FUNDC2: variants seen among roughly 807,000 people sequenced by gnomAD.
The protein encoded by FUNDC2 is FUN14 domain containing 2.
Under a neutral mutation model 15.6 loss-of-function variants are expected in FUNDC2, and 4 were observed. That is an observed-to-expected ratio of 0.26 (90% CI 0.13 to 0.59). FUNDC2 has a LOEUF of 0.59. Among genes scored for constraint, FUNDC2 ranks in the 20% least tolerant of loss-of-function variants. FUNDC2 has a pLI of 0.90. For synonymous variants in FUNDC2, 44 were observed against 56.9 expected, an observed-to-expected ratio of 0.77 and a Z score of 1.02; for missense variants, 98 against 149.7, an observed-to-expected ratio of 0.65 and a Z score of 1.80.
Position 155,058,024 on chromosome X carries a change from C to T in FUNDC2, c.*3352C>T, listed in dbSNP as rs1310703449. 1 of 110,975 alleles carries T rather than the reference C, an allele frequency of 9.0e-6. No homozygotes were observed. Among genetic ancestry groups the T allele is most frequent in the Admixed American group, 9.6e-5 (1 of 10,440 alleles). 9.1% of individuals were successfully genotyped at this position (110,975 alleles called of 1,213,427 possible). ...AGCCCATTGTCATGAGTGTTATTGC[C>T]ATTGTGATAATATGTTAGCATGACT... On this transcript the variant is annotated 3_prime_UTR_variant, in exon 5 of 5. Coordinates refer to ENST00000369498, the MANE Select transcript of FUNDC2 (RefSeq NM_023934.4).
At chrX:155,050,855 C>G (rs1184290918) in intron 3 of FUNDC2, 1 of 111,938 alleles carries the variant, frequency 8.9e-6, no homozygotes, top group Non-Finnish European at 1.9e-5. Context: ...AGTATTTTCT[C>G]TAGTCTGTTT....
intron 2 of FUNDC2, among the ~76,000 whole-genome samples, chrX:155,045,140 A>G (rs2073858412): frequency 8.9e-6 from 1 of 112,094 alleles, no homozygotes; most frequent in Non-Finnish European, 1.9e-5. Context: ...GTGGGGAAAA[A>G]GTCATATATA....
intron 3 of FUNDC2, chrX:155,047,209 G>C (rs1422643752): frequency 4.4e-5 from 13 of 293,280 alleles, no homozygotes; most frequent in Non-Finnish European, 8.7e-5. Context: ...GAATCACCTA[G>C]GAGTTTTTAA....
At position 155,056,018 on chromosome X, in the gene FUNDC2, G is replaced by GT. The variant is rs1378072005; in HGVS notation, c.*1351dup. On this transcript the variant is annotated 3_prime_UTR_variant, in exon 5 of 5. Transcript: ENST00000369498. ...AACTTTACAGAAACCACCTATTTGC[G>GT]TTTTTCTCCTTACATTTAAGGAAAC... is the stretch of plus-strand genomic sequence containing the variant. The GT allele has an allele frequency of 6.4e-4, 72 of 112,108 alleles. No individual in the cohort carries two copies. Among genetic ancestry groups the GT allele is most frequent in the African/African-American group, 2.3e-3 (70 of 30,863 alleles). The allele number at this position is 112,108 out of a possible 1,213,427, so 9.2% of individuals were successfully genotyped here. A position where few individuals can be genotyped will look rare whatever the true frequency, so the allele number is the denominator to read the frequency against.
chrX:155,037,688 T>C (rs1335309307), intron 2 of FUNDC2, among the ~76,000 whole-genome samples: 1 of 109,046 alleles, frequency 9.2e-6, no homozygotes, highest in East Asian at 3.0e-4. Flanking sequence ...TTCACCATAT[T>C]GTCCAGGCTG....
In FUNDC2 at chrX:155,057,219, C is replaced by CTA. The variant is rs782236707; in HGVS notation, c.*2549_*2550dup. The stretch of plus-strand genomic sequence containing the variant: ...TTGGGGTTACCTGTGAATCAAGGCC[C>CTA]TATTGTGCCAGCAGTTTTGTTTCAG... On this transcript the variant is annotated 3_prime_UTR_variant, in exon 5 of 5. Coordinates refer to ENST00000369498, the MANE Select transcript of FUNDC2 (RefSeq NM_023934.4). 1.8e-5 allele frequency: 2 copies of CTA among 111,764 alleles called. No individual in the cohort carries two copies. Among genetic ancestry groups the CTA allele is most frequent in the South Asian group, 7.4e-4 (2 of 2,700 alleles). 9.2% of individuals were successfully genotyped at this position (111,764 alleles called of 1,213,427 possible). A position where few individuals can be genotyped will look rare whatever the true frequency, so the allele number is the denominator to read the frequency against.
Position 155,057,009 on chromosome X carries a change from G to C in FUNDC2, c.*2337G>C, listed in dbSNP as rs1367309759. ...CTGCCTCTACGACTGTGAGGGTCAT[G>C]GTTGAGGTCAGTATTGCAGGTTGGC... On this transcript the variant is annotated 3_prime_UTR_variant, in exon 5 of 5. Transcript: ENST00000369498. 1 of 106,649 alleles carries C rather than the reference G, an allele frequency of 9.4e-6. No individual in the cohort carries two copies. Among genetic ancestry groups the C allele is most frequent in the African/African-American group, 3.4e-5 (1 of 29,773 alleles). The allele number at this position is 106,649 out of a possible 1,213,427, so 8.8% of individuals were successfully genotyped here.
rs2073900735 is a variant in FUNDC2, at chrX:155,056,771, GA to G, written c.*2100del. The G allele has an allele frequency of 9.0e-6, 1 of 111,521 alleles. No homozygotes were observed. Among genetic ancestry groups the G allele is most frequent in the African/African-American group, 3.3e-5 (1 of 30,637 alleles). 9.2% of individuals were successfully genotyped at this position (111,521 alleles called of 1,213,427 possible). On this transcript the variant is annotated 3_prime_UTR_variant, in exon 5 of 5. Coordinates refer to ENST00000369498, the MANE Select transcript of FUNDC2 (RefSeq NM_023934.4). ...TGTGCCCCTTTGGGTTGCATGTGGGGAGACTGGCCACCCAATGCCTCTCCAG... is the reference window on the plus strand; with the variant it reads ...TGTGCCCCTTTGGGTTGCATGTGGGGGACTGGCCACCCAATGCCTCTCCAG...
In FUNDC2 at chrX:155,054,938, C is replaced by G; in HGVS notation, c.*266C>G. On this transcript the variant is annotated 3_prime_UTR_variant, in exon 5 of 5. Transcript: ENST00000369498. ...GTAGGCCAACAAGAAGGTTCCTTTACCCCCATGCAAGACACTTATGAGAAC... is the reference window on the plus strand; with the variant it reads ...GTAGGCCAACAAGAAGGTTCCTTTAGCCCCATGCAAGACACTTATGAGAAC... 2.6e-6 allele frequency: 1 copy of G among 380,300 alleles called. No homozygotes were observed. The highest frequency in any genetic ancestry group is 4.6e-6 in the Non-Finnish European group (1 of 218,541). The allele number at this position is 380,300 out of a possible 1,213,427, so 31.3% of individuals were successfully genotyped here. A position where few individuals can be genotyped will look rare whatever the true frequency, so the allele number is the denominator to read the frequency against.
At chrX:155,030,996 T>C (rs1557288701) in intron 1 of FUNDC2, among the ~76,000 whole-genome samples, 1 of 111,260 alleles carries the variant, frequency 9.0e-6, no homozygotes, top group Non-Finnish European at 1.9e-5. Context: ...CCCTATTTTC[T>C]ACTTTTTATT....
intron 1 of FUNDC2, among the ~76,000 whole-genome samples, chrX:155,027,598 G>A (rs2073798679): frequency 8.9e-6 from 1 of 111,993 alleles, no homozygotes; most frequent in African/African-American, 3.3e-5. Context: ...TGAATGTTTA[G>A]GTTGTATTTA....
intron 2 of FUNDC2, 114 bp downstream of exon 2, chrX:155,033,667 A>G: frequency 1.5e-6 from 1 of 673,771 alleles, no homozygotes; most frequent in Non-Finnish European, 2.3e-6. Context: ...GAAATTGGTC[A>G]CTTAATGTGG....
intron 4 of FUNDC2, among the ~76,000 whole-genome samples, chrX:155,053,628 G>A (rs200116361): frequency 9.0e-6 from 1 of 111,160 alleles, no homozygotes; most frequent in African/African-American, 3.3e-5. Context: ...CATAGGCATC[G>A]TTGGAGTAAG....
At chrX:155,054,041 C>T (rs781877595) in intron 4 of FUNDC2, 6 of 750,874 alleles carry the variant, frequency 8.0e-6, no homozygotes, top group Non-Finnish European at 7.8e-6. Flanking sequence ...ATAAGAACGT[C>T]ACCTGTTAAT....
At position 155,057,027 on chromosome X, in the gene FUNDC2, AGGTTGGCCTC is replaced by A. The variant is rs2073904690; in HGVS notation, c.*2356_*2365del. The A allele has an allele frequency of 2.0e-5, 2 of 99,851 alleles. No individual in the cohort carries two copies. The highest frequency in any genetic ancestry group is 2.9e-4 in the East Asian group (1 of 3,497). The allele number at this position is 99,851 out of a possible 1,213,427, so 8.2% of individuals were successfully genotyped here. On this transcript the variant is annotated 3_prime_UTR_variant, in exon 5 of 5. Transcript: ENST00000369498. ...GGGTCATGGTTGAGGTCAGTATTGCAGGTTGGCCTCATCCTGCTAGTATGAGAACGGCTGT... is the reference window on the plus strand; with the variant it reads ...GGGTCATGGTTGAGGTCAGTATTGCAATCCTGCTAGTATGAGAACGGCTGT...
rs1569560277 is a variant in FUNDC2, at chrX:155,057,029, GTT to G, written c.*2358_*2359del. 4.1e-5 allele frequency: 4 copies of G among 98,162 alleles called. No homozygotes were observed. The highest frequency in any genetic ancestry group is 8.6e-5 in the Non-Finnish European group (4 of 46,724). The allele number at this position is 98,162 out of a possible 1,213,427, so 8.1% of individuals were successfully genotyped here. On this transcript the variant is annotated 3_prime_UTR_variant, in exon 5 of 5. Transcript: ENST00000369498. ...GTCATGGTTGAGGTCAGTATTGCAG[GTT>G]GGCCTCATCCTGCTAGTATGAGAAC...
At chrX:155,031,082 TTA>T (rs1404317816) in intron 1 of FUNDC2, among the ~76,000 whole-genome samples, 1 of 111,953 alleles carries the variant, frequency 8.9e-6, no homozygotes, top group African/African-American at 3.3e-5. Context: ...TCATTTAGAT[TTA>T]TCCACCTATT....
chrX:155,043,074 T>G (rs2073852642), intron 2 of FUNDC2, among the ~76,000 whole-genome samples: 1 of 111,453 alleles, frequency 9.0e-6, no homozygotes, highest in African/African-American at 3.3e-5. Flanking sequence ...ATAGTGGAAC[T>G]GCAGGTGCAT....
intron 2 of FUNDC2, among the ~76,000 whole-genome samples, chrX:155,038,075 A>G (rs1191491569): frequency 9.2e-6 from 1 of 108,389 alleles, no homozygotes; most frequent in African/African-American, 3.4e-5. Flanking sequence ...AAAAATAGAA[A>G]AATTAGCCGG....
Sources: gnomAD v4.1 joint callset for allele counts (sites outside exome capture counted in the v4.1 genomes callset) on GRCh38, gnomAD v4.1.1 for gene constraint, MANE v1.5 for transcripts, NCBI Gene and HGNC (gene_info 2026-07-23, HGNC 2026-07-21) for gene names.